The following NAV1 variants were observed in gnomAD, a reference collection of about 807,000 sequenced individuals.
The protein encoded by NAV1 is pore membrane and/or filament interacting like protein 3.
In NAV1, 18 loss-of-function variants were observed where a neutral mutation model predicts 175.2. That is an observed-to-expected ratio of 0.10 (90% CI 0.07 to 0.15). The LOEUF (loss-of-function observed/expected upper bound fraction) is 0.15. NAV1 is among the 10% of genes least tolerant of loss of function. The pLI is 1.00. For synonymous variants in NAV1, 897 were observed against 978.7 expected (o/e 0.92, Z 1.56); for missense variants, 1,731 against 2,436.6 (o/e 0.71, Z 6.10).
rs71138352 is a variant in NAV1 at position 201,776,335 on chromosome 1, CAAAAAAAAAAAA to C, written c.1227-4073_1227-4062del. 4.2e-5 allele frequency among the ~76,000 whole-genome samples: 3 copies of C among 71,890 alleles called. 1 individual carries two copies. The Admixed American group carries it at 6.2e-4, about 15-fold the overall frequency. 47.2% of individuals were successfully genotyped at this position (71,890 alleles called of 152,430 possible). On this transcript the variant is annotated intron_variant, in intron 3 of 29. Transcript: ENST00000367296. ...GCAACATAAGGAGACCCTGACTCTA[CAAAAAAAAAAAA>C]AAAAAAAAAAAAGTTCGGGCATGGT...
chr1:201,571,210 A>G (rs1487876878), intron 1 of NAV1, among the ~76,000 whole-genome samples: 1 of 152,256 alleles, frequency 6.6e-6, no homozygotes, highest in African/African-American at 2.4e-5. Context: ...ATGAAGGAGA[A>G]GTCAGACTGA....
chr1:201,601,489 A>T (rs1371502978), intron 2 of NAV1, among the ~76,000 whole-genome samples: 1 of 152,162 alleles, frequency 6.6e-6, no homozygotes, highest in Non-Finnish European at 1.5e-5. Context: ...TCTAAAAAAA[A>T]TATTCTAACC....
At chr1:201,688,698 A>G (rs969661983) in intron 1 of NAV1, among the ~76,000 whole-genome samples, 4 of 152,226 alleles carry the variant, frequency 2.6e-5, no homozygotes, top group Non-Finnish European at 5.9e-5. Flanking sequence ...AATTAGTCCA[A>G]TTAATCTCTA....
At chr1:201,739,973 C>T in intron 3 of NAV1, 1 of 1,439,612 alleles carries the variant, frequency 6.9e-7, no homozygotes, top group Non-Finnish European at 9.1e-7. Flanking sequence ...GAGAGCGGTC[C>T]TGGGGGGCGC....
chr1:201,686,113 A>G (rs1376493501), intron 1 of NAV1, among the ~76,000 whole-genome samples: 3 of 152,052 alleles, frequency 2.0e-5, no homozygotes, highest in Admixed American at 6.5e-5. Flanking sequence ...CACACCTAAT[A>G]AGCACCGAGG....
chr1:201,593,689 G>T (rs1463943763), intron 2 of NAV1, among the ~76,000 whole-genome samples: 1 of 152,138 alleles, frequency 6.6e-6, no homozygotes, highest in East Asian at 1.9e-4. Context: ...CATTGTCATG[G>T]GGGAAGGGAA....
In NAV1 at chr1:201,813,441, G is replaced by A. The variant is rs1678817683; in HGVS notation, c.5340+183G>A. The stretch of plus-strand genomic sequence containing the variant: ...GCCTCCAGCTGCCATTCAGCAAATG[G>A]TACAATGACCACTGCCTCTGGGGCC... On this transcript the variant is annotated intron_variant, in intron 28 of 29. Coordinates refer to ENST00000367296, the Ensembl canonical transcript of NAV1. The surrounding 1 kb of genome is among the most constrained non-coding windows in gnomAD (Gnocchi z 4.2). Among the ~76,000 whole-genome samples the A allele has an allele frequency of 6.6e-6, 1 of 152,168 alleles. No individual in the cohort carries two copies. The highest frequency in any genetic ancestry group is 1.5e-5 in the Non-Finnish European group (1 of 68,038).
intron 1 of NAV1, among the ~76,000 whole-genome samples, chr1:201,556,361 T>G (rs1244712099): frequency 1.3e-5 from 2 of 150,426 alleles, no homozygotes; most frequent in African/African-American, 2.5e-5. Flanking sequence ...GAGGTTGCAA[T>G]GAGCTGAGAT....
Position 201,810,683 on chromosome 1 carries a change from C to T in NAV1, c.4722C>T (p.Tyr1574=), listed in dbSNP as rs1314682351. 1 of 1,614,162 alleles carries T rather than the reference C, an allele frequency of 6.2e-7. No individual in the cohort carries two copies. The change falls in exon 24 of 30, where the codon TAC becomes TAT. Residue 1574 remains tyrosine, a synonymous_variant. Coordinates refer to ENST00000367296, the Ensembl canonical transcript of NAV1. This position sits in a 1 kb window ranked among gnomAD's most constrained non-coding sequence, Gnocchi z 6.0. Reference sequence around the variant, plus strand: ...ACCTGACCAATCGCTTGGCCGAGTACCTGGTGGAGCGCTCTGGCCGTGAGG... The same window carrying T: ...ACCTGACCAATCGCTTGGCCGAGTATCTGGTGGAGCGCTCTGGCCGTGAGG...
intron 2 of NAV1, among the ~76,000 whole-genome samples, chr1:201,593,060 GCCCCAGACACCAA>G (rs1470657802): frequency 6.6e-6 from 1 of 152,194 alleles, no homozygotes; most frequent in Non-Finnish European, 1.5e-5. Context: ...GCCTTAGATT[GCCCCAGACACCAA>G]GCAGTGTTGC....
chr1:201,592,942 C>T (rs552600425), intron 2 of NAV1, among the ~76,000 whole-genome samples: 6 of 152,210 alleles, frequency 3.9e-5, no homozygotes, highest in Admixed American at 1.3e-4. Context: ...TTTGGGGCTA[C>T]GTCCTCTCCC....
chr1:201,551,645 C>T (rs551434986), intron 1 of NAV1, among the ~76,000 whole-genome samples: 7 of 152,148 alleles, frequency 4.6e-5, no homozygotes, highest in Non-Finnish European at 1.0e-4. Context: ...TTTTGACAAG[C>T]GCTTGAGATT....
chr1:201,814,463 G>A (rs75530840), intron 28 of NAV1, among the ~76,000 whole-genome samples: 2,231 of 152,138 alleles, frequency 0.015, 53 homozygotes, highest in African/African-American at 0.051. Context: ...TTTCTTACCT[G>A]TAAATTAGGG....
chr1:201,740,020 G>A lies in NAV1; in HGVS notation c.1226+21265G>A, dbSNP rs1474664414. 5 of 1,488,038 alleles carry A rather than the reference G, an allele frequency of 3.4e-6. No homozygotes were observed. The highest frequency in any genetic ancestry group is 4.5e-6 in the Non-Finnish European group (5 of 1,116,046). 92.2% of individuals were successfully genotyped at this position (1,488,038 alleles called of 1,614,324 possible). A position where few individuals can be genotyped will look rare whatever the true frequency, so the allele number is the denominator to read the frequency against. ...CCGGTGAATGGCCGCCTGAGCCGGGGAAGATGCTTCATCTGCCCCTGCCCA... is the reference window on the plus strand; with the variant it reads ...CCGGTGAATGGCCGCCTGAGCCGGGAAAGATGCTTCATCTGCCCCTGCCCA... On this transcript the variant is annotated intron_variant, in intron 3 of 29. Coordinates refer to ENST00000367296, the Ensembl canonical transcript of NAV1. The surrounding 1 kb of genome is among the most constrained non-coding windows in gnomAD (Gnocchi z 4.7).
At chr1:201,681,927 C>G (rs547533429) in intron 1 of NAV1, among the ~76,000 whole-genome samples, 1 of 152,086 alleles carries the variant, frequency 6.6e-6, no homozygotes, top group Non-Finnish European at 1.5e-5. Context: ...CGAGCCTGGC[C>G]AATGTGGTGA....
intron 1 of NAV1, among the ~76,000 whole-genome samples, chr1:201,708,855 A>G (rs1261915687): frequency 1.3e-5 from 2 of 152,102 alleles, no homozygotes; most frequent in African/African-American, 4.8e-5. Flanking sequence ...TTAGCCAATA[A>G]AACAAGCCAT....
At chr1:201,698,080 C>T (rs1030332955) in intron 1 of NAV1, among the ~76,000 whole-genome samples, 1 of 152,240 alleles carries the variant, frequency 6.6e-6, no homozygotes, top group Non-Finnish European at 1.5e-5. Flanking sequence ...GGCCTCTCGT[C>T]GTCTGATGCC....
At chr1:201,615,267 C>CTTT (rs949162841) in intron 2 of NAV1, among the ~76,000 whole-genome samples, 10 of 142,020 alleles carry the variant, frequency 7.0e-5, no homozygotes, top group African/African-American at 2.4e-4. Flanking sequence ...TTCTTTCTTT[C>CTTT]TTTTTTTTTT....
intron 2 of NAV1, among the ~76,000 whole-genome samples, chr1:201,599,207 G>A (rs567606186): frequency 6.0e-4 from 91 of 152,330 alleles, no homozygotes; most frequent in Non-Finnish European, 1.1e-3. Context: ...TTTGGATCAC[G>A]TGATTCAAGG....
Sources: gnomAD v4.1 joint callset for allele counts (sites outside exome capture counted in the v4.1 genomes callset) on GRCh38, gnomAD v4.1.1 for gene constraint, Gnocchi (gnomAD v3.1) non-coding constraint, MANE v1.5 for transcripts, NCBI Gene and HGNC (gene_info 2026-07-23, HGNC 2026-07-21) for gene names.